Variants in YTHDC2 observed in about 807,000 individuals in gnomAD.
YTHDC2 encodes the protein 3'-5' RNA helicase YTHDC2.
In YTHDC2, 45 loss-of-function variants were observed where a neutral mutation model predicts 174.9. The observed-to-expected ratio is 0.26, with a 90% confidence interval of 0.20 to 0.33. The LOEUF (loss-of-function observed/expected upper bound fraction) is 0.33. Ranked by LOEUF, YTHDC2 falls within the 10% of genes least tolerant of loss-of-function variation. The pLI, the probability that YTHDC2 is intolerant of heterozygous loss-of-function variation, is 1.00. For missense variants in YTHDC2, 1,650 were observed against 1,723.7 expected (o/e 0.96, Z 0.76); for synonymous variants, 657 against 574.5 (o/e 1.14, Z -2.05).
At chr5:113,553,151 CTTTGTCTT>C (rs1251381552) in intron 12 of YTHDC2, 22 bp from the exon 13 acceptor site, 1 of 1,356,236 alleles carries the variant, frequency 7.4e-7, no homozygotes, top group Non-Finnish European at 9.5e-7. Flanking sequence ...TGGAAATTGA[CTTTGTCTT>C]TTTTTTTTTT....
intron 10 of YTHDC2, 60 bp from the exon 11 acceptor site, chr5:113,548,481 A>G: frequency 6.7e-7 from 1 of 1,499,500 alleles, no homozygotes; most frequent in Non-Finnish European, 9.0e-7. Flanking sequence ...TTTTTAAAGA[A>G]TGAAAATGGT....
intron 13 of YTHDC2, 96 bp downstream of exon 13, chr5:113,553,455 A>G (rs1266011643): frequency 3.6e-6 from 5 of 1,405,676 alleles, no homozygotes; most frequent in Non-Finnish European, 4.8e-6. Context: ...CACTGATAGT[A>G]GTAAGTGAAT....
chr5:113,569,737 G>A (rs1561687520), intron 23 of YTHDC2, among the ~76,000 whole-genome samples: 1 of 152,134 alleles, frequency 6.6e-6, no homozygotes, highest in Non-Finnish European at 1.5e-5. Context: ...TGCTGTCTTG[G>A]CTACTGTAGC....
chr5:113,571,638 G>T (rs1228071486), intron 23 of YTHDC2, among the ~76,000 whole-genome samples: 1 of 152,116 alleles, frequency 6.6e-6, no homozygotes. Flanking sequence ...CTTTATTACT[G>T]CCTCAATTTC....
chr5:113,537,927 G>C (rs968956842), intron 7 of YTHDC2, among the ~76,000 whole-genome samples: 1 of 152,008 alleles, frequency 6.6e-6, no homozygotes, highest in Non-Finnish European at 1.5e-5. Flanking sequence ...CATCAGATCT[G>C]TACATATGCT....
intron 17 of YTHDC2, among the ~76,000 whole-genome samples, chr5:113,559,614 T>C (rs943219022): frequency 1.3e-5 from 2 of 152,218 alleles, no homozygotes; most frequent in East Asian, 1.9e-4. Context: ...GCCAACACTG[T>C]AGATATCACA....
chr5:113,570,401 C>T (rs1365778479), intron 23 of YTHDC2, among the ~76,000 whole-genome samples: 2 of 152,026 alleles, frequency 1.3e-5, no homozygotes, highest in Non-Finnish European at 2.9e-5. Context: ...CATGCTTGGC[C>T]TTTTCCTATG....
chr5:113,581,360 C>T (rs1778391696), intron 24 of YTHDC2, 57 bp from the exon 25 acceptor site: 2 of 1,466,558 alleles, frequency 1.4e-6, no homozygotes, highest in Non-Finnish European at 9.1e-7. Flanking sequence ...CTAATCAACA[C>T]ATAGGTGTTT....
chr5:113,570,303 G>A (rs1314646099), intron 23 of YTHDC2, among the ~76,000 whole-genome samples: 1 of 152,002 alleles, frequency 6.6e-6, no homozygotes. Flanking sequence ...CACCATGTTG[G>A]GCAGGGTGAT....
At chr5:113,528,561 C>T (rs1452536448) in intron 4 of YTHDC2, among the ~76,000 whole-genome samples, 2 of 151,426 alleles carry the variant, frequency 1.3e-5, no homozygotes, top group East Asian at 1.9e-4. Flanking sequence ...TTCACTCTGT[C>T]GCCCAGGCTG....
intron 2 of YTHDC2, among the ~76,000 whole-genome samples, chr5:113,521,697 C>T (rs991342208): frequency 6.7e-6 from 1 of 149,988 alleles, no homozygotes; most frequent in African/African-American, 2.5e-5. Context: ...TGCCACTGCA[C>T]TCCAGCCTGG....
chr5:113,592,796 A>G (rs1203751918), intron 28 of YTHDC2: 3 of 152,430 alleles, frequency 2.0e-5, no homozygotes, highest in African/African-American at 7.2e-5. Flanking sequence ...ATTGTGTGAG[A>G]ATAATTTCAT....
At chr5:113,566,047 T>A (rs1362110379) in intron 21 of YTHDC2, 28 bp downstream of exon 21, 1 of 1,582,378 alleles carries the variant, frequency 6.3e-7, no homozygotes, top group East Asian at 2.3e-5. Flanking sequence ...AAGAGCCTAT[T>A]TAAGTTACTG....
intron 23 of YTHDC2, among the ~76,000 whole-genome samples, chr5:113,570,280 A>G (rs533014090): frequency 4.3e-4 from 66 of 152,118 alleles, no homozygotes; most frequent in Middle Eastern, 6.8e-3. Context: ...TATTTTTACT[A>G]GAGACAGGGT....
intron 1 of YTHDC2, among the ~76,000 whole-genome samples, chr5:113,515,014 A>G (rs1253277070): frequency 3.3e-5 from 5 of 151,882 alleles, no homozygotes; most frequent in African/African-American, 4.8e-5. Context: ...AGAGGCCTTT[A>G]TCACATTTAG....
chr5:113,542,733 G>A (rs1358995197), intron 10 of YTHDC2, among the ~76,000 whole-genome samples: 1 of 152,190 alleles, frequency 6.6e-6, no homozygotes, highest in Non-Finnish European at 1.5e-5. Flanking sequence ...ATTGCAGTTT[G>A]AAGAGCTGTG....
At chr5:113,535,852 A>C in intron 7 of YTHDC2, 54 bp downstream of exon 7, 1 of 1,437,734 alleles carries the variant, frequency 7.0e-7, no homozygotes, top group East Asian at 2.4e-5. Context: ...ACACTTTTGG[A>C]CATTATTTAT....
rs942191796 is a variant in YTHDC2 at position 113,593,559 on chromosome 5, T to C, written c.*85T>C. 2 of 514,922 alleles carry C rather than the reference T, an allele frequency of 3.9e-6. No individual in the cohort carries two copies. The highest frequency in any genetic ancestry group is 6.9e-6 in the Non-Finnish European group (2 of 291,672). 31.9% of individuals were successfully genotyped at this position (514,922 alleles called of 1,614,324 possible). A position where few individuals can be genotyped will look rare whatever the true frequency, so the allele number is the denominator to read the frequency against. On this transcript the variant is annotated 3_prime_UTR_variant, in exon 30 of 30. Transcript: ENST00000161863. ...GACTTTCAAAAACTGAGGTGGGGTG[T>C]GTGTTACGAATGGGCTTTTTAACAC...
intron 9 of YTHDC2, among the ~76,000 whole-genome samples, chr5:113,541,848 ATATAG>A (rs1369282634): frequency 6.6e-6 from 1 of 152,114 alleles, no homozygotes; most frequent in African/African-American, 2.4e-5. Flanking sequence ...ATAAAAAAAC[ATATAG>A]TATAGACTTA....
Sources: gnomAD v4.1 joint callset for allele counts (sites outside exome capture counted in the v4.1 genomes callset) on GRCh38, gnomAD v4.1.1 for gene constraint, MANE v1.5 for transcripts, NCBI Gene and HGNC (gene_info 2026-07-23, HGNC 2026-07-21) for gene names.